Variants in ABCB1 observed in about 807,000 individuals in gnomAD.
ABCB1 encodes the protein ATP binding cassette subfamily B member 1, also known as ATP-dependent translocase ABCB1.
ABCB1 carries 69 observed loss-of-function variants against 142.0 expected under a neutral mutation model. The ratio of observed to expected loss-of-function variants is 0.49; its 90% CI spans 0.40 to 0.59. The LOEUF is 0.59. Ranked by LOEUF, ABCB1 falls within the 20% of genes least tolerant of loss-of-function variation. The pLI is 0.00. For synonymous variants in ABCB1, 532 were observed against 539.2 expected (o/e 0.99, Z 0.18); for missense variants, 1,326 against 1,554.7 (o/e 0.85, Z 2.47).
At chr7:87,695,238 A>G (rs1828397796) in intron 1 of ABCB1, among the ~76,000 whole-genome samples, 1 of 152,138 alleles carries the variant, frequency 6.6e-6, no homozygotes, top group African/African-American at 2.4e-5. Flanking sequence ...TCATAATTTT[A>G]CCTTCAAAGC....
intron 1 of ABCB1, among the ~76,000 whole-genome samples, chr7:87,712,280 A>G (rs1830157996): frequency 6.6e-6 from 1 of 152,104 alleles, no homozygotes; most frequent in South Asian, 2.1e-4. Context: ...ATAAACAGTG[A>G]GATGATGATA....
intron 14 of ABCB1, among the ~76,000 whole-genome samples, chr7:87,546,362 G>A (rs1272031184): frequency 4.6e-5 from 7 of 152,098 alleles, no homozygotes; most frequent in East Asian, 1.9e-4. Context: ...GCCAAGGTGG[G>A]TGGATCACAA....
intron 23 of ABCB1, chr7:87,519,096 G>C (rs543443886): frequency 5.2e-6 from 3 of 575,944 alleles, no homozygotes; most frequent in Non-Finnish European, 6.2e-6. Flanking sequence ...TCACAGATTT[G>C]AAAAGGTCAA....
At chr7:87,640,238 T>A (rs1207202693) in intron 1 of ABCB1, among the ~76,000 whole-genome samples, 2 of 150,836 alleles carry the variant, frequency 1.3e-5, no homozygotes, top group African/African-American at 2.4e-5. Context: ...ATTACCATAT[T>A]TTTTTACAGT....
intron 1 of ABCB1, among the ~76,000 whole-genome samples, chr7:87,675,653 C>CAAAAAAAAAAAAAAA (rs200136132): frequency 2.4e-4 from 16 of 65,800 alleles, no homozygotes; most frequent in African/African-American, 3.5e-4. Context: ...TATTCACATG[C>CAAAAAAAAAAAAAAA]AAAAAAAAAA....
At chr7:87,523,500 A>C (rs1341043834) in intron 21 of ABCB1, among the ~76,000 whole-genome samples, 1 of 152,116 alleles carries the variant, frequency 6.6e-6, no homozygotes, top group African/African-American at 2.4e-5. Flanking sequence ...ATGGTGGCAC[A>C]TGCCTTAATC....
At chr7:87,683,126 A>G (rs968322602) in intron 1 of ABCB1, among the ~76,000 whole-genome samples, 7 of 152,132 alleles carry the variant, frequency 4.6e-5, no homozygotes, top group African/African-American at 1.7e-4. Context: ...GCTAGCTTCA[A>G]ACTTTTCTTC....
intron 19 of ABCB1, 45 bp downstream of exon 19, chr7:87,539,223 T>G: frequency 6.4e-7 from 1 of 1,566,510 alleles, no homozygotes; most frequent in Non-Finnish European, 8.8e-7. Context: ...GGGGCACACA[T>G]GGGGAGTTCT....
rs564324360 is a variant in ABCB1 at position 87,658,807 on chromosome 7, A to G, written c.-331+54354T>C. On this transcript the variant is annotated intron_variant, in intron 1 of 28. Transcript: ENST00000265724. ...GAAACATTAAGACCTTCTCACAGGA[A>G]AGACAACTAAGGAAATGTGTTGCCG... is the stretch of plus-strand genomic sequence containing the variant. Among the ~76,000 whole-genome samples, 19 of 152,314 alleles carry G rather than the reference A, an allele frequency of 1.2e-4. No individual in the cohort carries two copies. The South Asian group carries it at 1.7e-3, about 13-fold the overall frequency.
intron 15 of ABCB1, 138 bp from the exon 16 acceptor site, chr7:87,545,137 T>C (rs568447699): frequency 6.5e-6 from 5 of 772,352 alleles, no homozygotes; most frequent in Non-Finnish European, 1.1e-5. Context: ...ATCTGCTGTG[T>C]TGTTTTATGT....
chr7:87,604,513 G>T (rs945088227), upstream of ABCB1, among the ~76,000 whole-genome samples: 6 of 152,122 alleles, frequency 3.9e-5, no homozygotes, highest in Admixed American at 6.5e-5. Flanking sequence ...TATGTATGAA[G>T]GACATGTGAT....
intron 1 of ABCB1, among the ~76,000 whole-genome samples, chr7:87,656,536 A>T (rs895930860): frequency 3.3e-5 from 5 of 152,046 alleles, no homozygotes; most frequent in Admixed American, 6.6e-5. Context: ...GACACTTGAG[A>T]AAAAATGATA....
intron 4 of ABCB1, among the ~76,000 whole-genome samples, chr7:87,575,519 G>C (rs1818237453): frequency 6.6e-6 from 1 of 152,042 alleles, no homozygotes. Context: ...GTTTTTCCCA[G>C]GAACTTCCGT....
At chr7:87,703,618 G>A (rs1381924900) in intron 1 of ABCB1, among the ~76,000 whole-genome samples, 2 of 151,808 alleles carry the variant, frequency 1.3e-5, no homozygotes, top group Non-Finnish European at 1.5e-5. Flanking sequence ...TCTGTCTCAC[G>A]TATTTAAGCC....
At chr7:87,637,651 G>A (rs953440739) in intron 1 of ABCB1, among the ~76,000 whole-genome samples, 2 of 151,794 alleles carry the variant, frequency 1.3e-5, no homozygotes, top group African/African-American at 4.8e-5. Flanking sequence ...ATTTATTCTT[G>A]CATATTTGAT....
At chr7:87,641,523 C>T (rs940536960) in intron 1 of ABCB1, among the ~76,000 whole-genome samples, 1 of 152,052 alleles carries the variant, frequency 6.6e-6, no homozygotes, top group African/African-American at 2.4e-5. Context: ...TCCAGCAAGC[C>T]AAAACAACAA....
At chr7:87,603,477 C>A (rs147448920), upstream of ABCB1, among the ~76,000 whole-genome samples, 1 of 152,176 alleles carries the variant, frequency 6.6e-6, no homozygotes, top group East Asian at 1.9e-4. Flanking sequence ...CCTTATGAGT[C>A]CATCTTGGAA....
At chr7:87,553,583 G>A (rs1180229386) in intron 9 of ABCB1, among the ~76,000 whole-genome samples, 178 bp downstream of exon 9, 1 of 152,150 alleles carries the variant, frequency 6.6e-6, no homozygotes, top group East Asian at 1.9e-4. Flanking sequence ...GCCTCCCAAA[G>A]TGCTGGGATT....
chr7:87,643,842 G>T (rs1476696392), intron 1 of ABCB1, among the ~76,000 whole-genome samples: 1 of 150,944 alleles, frequency 6.6e-6, no homozygotes, highest in East Asian at 2.0e-4. Flanking sequence ...TTCGCAAGTT[G>T]CATAATATTT....
Sources: gnomAD v4.1 joint callset for allele counts (sites outside exome capture counted in the v4.1 genomes callset) on GRCh38, gnomAD v4.1.1 for gene constraint, MANE v1.5 for transcripts, NCBI Gene and HGNC (gene_info 2026-07-23, HGNC 2026-07-21) for gene names.